MPRIP: variants seen among roughly 807,000 people sequenced by gnomAD.
MPRIP encodes the protein myosin phosphatase Rho interacting protein.
Under a neutral mutation model 234.9 loss-of-function variants are expected in MPRIP, and 59 were observed. The ratio of observed to expected loss-of-function variants is 0.25; its 90% confidence interval spans 0.20 to 0.31. MPRIP has a LOEUF of 0.31. Ranked by LOEUF, MPRIP falls within the 10% of genes least tolerant of loss-of-function variation. The pLI is 1.00. For synonymous variants in MPRIP, 1,144 were observed against 1,263.9 expected (o/e 0.91, Z 2.01); for missense variants, 2,436 against 3,071.0 (o/e 0.79, Z 4.89).
intron 1 of MPRIP, among the ~76,000 whole-genome samples, chr17:17,072,490 C>T (rs936668917): frequency 1.3e-5 from 2 of 152,178 alleles, no homozygotes; most frequent in South Asian, 2.1e-4. Flanking sequence ...AATGTAATTA[C>T]GTACATAATG....
chr17:17,137,806 G>A, intron 6 of MPRIP, 110 bp from the exon 7 acceptor site: 2 of 880,414 alleles, frequency 2.3e-6, no homozygotes, highest in African/African-American at 1.7e-5. Flanking sequence ...AGAGACGGGA[G>A]GTGGAGAAGG....
intron 3 of MPRIP, among the ~76,000 whole-genome samples, chr17:17,098,803 G>A (rs2089902810): frequency 1.3e-5 from 2 of 152,136 alleles, no homozygotes; most frequent in African/African-American, 4.8e-5. Flanking sequence ...GGCCCCTGGA[G>A]CTTTCTCAGG....
chr17:17,082,796 C>T (rs1402111162), intron 3 of MPRIP, among the ~76,000 whole-genome samples: 1 of 152,234 alleles, frequency 6.6e-6, no homozygotes, highest in Non-Finnish European at 1.5e-5. Flanking sequence ...CCTGGAAACC[C>T]CCATGCTATT....
intron 1 of MPRIP, among the ~76,000 whole-genome samples, chr17:17,058,645 AG>A (rs1413336750): frequency 6.6e-6 from 1 of 152,180 alleles, no homozygotes; most frequent in Non-Finnish European, 1.5e-5. Flanking sequence ...CTCCTCACCA[AG>A]GCAGAGGTCC....
At chr17:17,082,481 G>A (rs922630398) in intron 3 of MPRIP, among the ~76,000 whole-genome samples, 9 of 151,750 alleles carry the variant, frequency 5.9e-5, no homozygotes, top group African/African-American at 2.2e-4. Flanking sequence ...TTTTAGTAGA[G>A]ATGGGGTTTC....
In MPRIP at chr17:17,185,117, T is replaced by C. The variant is rs1567785854; in HGVS notation, c.*223T>C. On this transcript the variant is annotated 3_prime_UTR_variant, in exon 24 of 24. Transcript: ENST00000651222. The stretch of plus-strand genomic sequence containing the variant: ...TCTTCATCAAAGCTTTTTTCCGTGG[T>C]ATTCTAAAATTAGGCCAGCAGTGGG... 4.9e-6 allele frequency: 2 copies of C among 407,678 alleles called. No individual in the cohort carries two copies. The highest frequency in any genetic ancestry group is 2.0e-5 in the African/African-American group (1 of 48,830). The allele number at this position is 407,678 out of a possible 1,614,324, so 25.3% of individuals were successfully genotyped here.
At chr17:17,104,885 C>A (rs1432400204) in intron 3 of MPRIP, among the ~76,000 whole-genome samples, 1 of 152,164 alleles carries the variant, frequency 6.6e-6, no homozygotes, top group Non-Finnish European at 1.5e-5. Flanking sequence ...CACTCTGGGG[C>A]CCAGTGTGGG....
At position 17,189,962 on chromosome 17, in the gene MPRIP, T is replaced by C. The variant is rs1454766502; in HGVS notation, c.*5068T>C. 6.6e-6 allele frequency: 1 copy of C among 152,262 alleles called. No individual in the cohort carries two copies. The highest frequency in any genetic ancestry group is 1.5e-5 in the Non-Finnish European group (1 of 68,054). 9.4% of individuals were successfully genotyped at this position (152,262 alleles called of 1,614,324 possible). On this transcript the variant is annotated 3_prime_UTR_variant, in exon 24 of 24. Coordinates refer to ENST00000651222, the MANE Select transcript of MPRIP (RefSeq NM_001364716.4). ...GCTGGGAACTTGCTTATTAAAAAGT[T>C]CCTTAGAATTAAGGTATCTACCCAC...
chr17:17,122,990 A>G (rs1160477916), intron 3 of MPRIP, among the ~76,000 whole-genome samples: 1 of 152,266 alleles, frequency 6.6e-6, no homozygotes, highest in Admixed American at 6.5e-5. Context: ...AGATGAATGG[A>G]TAAACAAAAT....
chr17:17,120,690 CT>C (rs72205848), intron 3 of MPRIP, among the ~76,000 whole-genome samples: 23,213 of 152,090 alleles, frequency 0.15, 2,593 homozygotes, highest in East Asian at 0.3. Flanking sequence ...AGGGCCGTCT[CT>C]TTTTTTGGAA....
rs75434447 is a variant in MPRIP at position 17,061,653 on chromosome 17, C to T, written c.124-14057C>T. Among the ~76,000 whole-genome samples, 9 of 152,344 alleles carry T rather than the reference C, an allele frequency of 5.9e-5. No homozygotes were observed. The East Asian group carries it at 1.7e-3, about 29-fold the overall frequency. ...TCAGCCCCTACAGGTGTGGGTCCTT[C>T]TTCAGGACTGTGTGGAACTTTTCCT... On this transcript the variant is annotated intron_variant, in intron 1 of 23. Coordinates refer to ENST00000651222, the MANE Select transcript of MPRIP (RefSeq NM_001364716.4).
rs534485051 is a variant in MPRIP, at chr17:17,165,795, G to A, written c.4204G>A (p.Val1402Met). ...AGAGGAAAAGCTCAAAGACGTGACC[G>A]TGAGGCTGGAGAGCCAGCAGGGTCA... The part of the protein sequence containing the change: ...VTEEKLKDVT[V>M]RLESQQGQSR... The change falls in exon 16 of 24, where the codon GTG becomes ATG. Residue 1402 changes from valine (V) to methionine (M), a missense_variant. Val to Met is a conservative substitution (Grantham distance 21). Around this residue, in one of 4 missense-constraint regions of MPRIP, gnomAD observed 1,998 missense variants for 2,520.3 expected, o/e 0.79. Coordinates refer to ENST00000651222, the MANE Select transcript of MPRIP (RefSeq NM_001364716.4). 39 of 1,304,386 alleles carry A rather than the reference G, an allele frequency of 3.0e-5. No individual in the cohort carries two copies. In the East Asian group the frequency reaches 3.3e-4, roughly 11 times the overall value. 80.8% of individuals were successfully genotyped at this position (1,304,386 alleles called of 1,614,324 possible).
intron 1 of MPRIP, among the ~76,000 whole-genome samples, chr17:17,068,512 T>C (rs900008154): frequency 6.6e-6 from 1 of 152,050 alleles, no homozygotes; most frequent in Non-Finnish European, 1.5e-5. Flanking sequence ...GATTTTTTCA[T>C]TGATTTCTAC....
chr17:17,173,825 C>T (rs1227742488), intron 18 of MPRIP, 91 bp from the exon 19 acceptor site: 1 of 1,461,766 alleles, frequency 6.8e-7, no homozygotes, highest in Admixed American at 1.7e-5. Flanking sequence ...CTGACCTGTG[C>T]TTGGCTGTGT....
In MPRIP at chr17:17,131,735, A is replaced by G. The variant is rs1008881624; in HGVS notation, c.504+34A>G. 7.6e-6 allele frequency: 12 copies of G among 1,589,160 alleles called. No individual in the cohort carries two copies. In the Admixed American group the frequency reaches 1.3e-4, roughly 18 times the overall value. ...TGGGTTTGCCAGATGGCATCCCCTC[A>G]GTGGAGCCAGGGCTTGGGAAGAAGT... On this transcript the variant is annotated intron_variant, in intron 5 of 23. Coordinates refer to ENST00000651222, the MANE Select transcript of MPRIP (RefSeq NM_001364716.4).
chr17:17,171,982 A>G (rs758486875), intron 17 of MPRIP, 117 bp downstream of exon 17: 4 of 1,202,224 alleles, frequency 3.3e-6, no homozygotes, highest in Non-Finnish European at 1.2e-6. Context: ...TGTAAACTTC[A>G]TTGTTGAAGG....
At chr17:17,150,331 G>A in intron 12 of MPRIP, 98 bp downstream of exon 12, 2 of 838,628 alleles carry the variant, frequency 2.4e-6, no homozygotes, top group Non-Finnish European at 4.0e-6. Flanking sequence ...GGACAGGCCT[G>A]ATGCAGCGTG....
intron 14 of MPRIP, among the ~76,000 whole-genome samples, chr17:17,159,264 T>C (rs1281553423): frequency 6.6e-6 from 1 of 152,218 alleles, no homozygotes; most frequent in African/African-American, 2.4e-5. Context: ...GCCCCTGCCA[T>C]TGAGAGGCAA....
chr17:17,159,089 T>C (rs2045805181), intron 14 of MPRIP, 87 bp downstream of exon 14: 5 of 1,384,526 alleles, frequency 3.6e-6, no homozygotes, highest in Admixed American at 4.4e-5. Flanking sequence ...GAGGGGTTCA[T>C]CTAGACAGTC....
Sources: gnomAD v4.1 joint callset for allele counts (sites outside exome capture counted in the v4.1 genomes callset) on GRCh38, gnomAD v4.1.1 for gene constraint, gnomAD v4.1.1 regional missense constraint, MANE v1.5 for transcripts, NCBI Gene and HGNC (gene_info 2026-07-23, HGNC 2026-07-21) for gene names.